AXIN1: variants seen among roughly 807,000 people sequenced by gnomAD.
AXIN1 encodes the protein axin 1, also known as axin-1.
In AXIN1, 30 loss-of-function variants were observed where a neutral mutation model predicts 76.4. The observed-to-expected ratio is 0.39, with a 90% CI of 0.29 to 0.53. The LOEUF (loss-of-function observed/expected upper bound fraction) is 0.53, where lower values mean the gene tolerates loss of function less well. AXIN1 is among the 20% of genes least tolerant of loss of function. The pLI, the probability that AXIN1 is intolerant of heterozygous loss-of-function variation, is 0.66. For synonymous variants in AXIN1, 545 were observed against 501.4 expected, an observed-to-expected ratio of 1.09 and a Z score of -1.16; for missense variants, 1,140 against 1,198.8, an observed-to-expected ratio of 0.95 and a Z score of 0.72.
intron 5 of AXIN1, among the ~76,000 whole-genome samples, chr16:301,968 G>A (rs916597524): frequency 5.3e-5 from 8 of 152,310 alleles, no homozygotes; most frequent in East Asian, 1.9e-4. Flanking sequence ...TGTGGCCTGC[G>A]GACATGTCCA....
chr16:307,095 C>T (rs775678804), intron 4 of AXIN1, among the ~76,000 whole-genome samples: 1 of 152,218 alleles, frequency 6.6e-6, no homozygotes, highest in Non-Finnish European at 1.5e-5. Flanking sequence ...GCAGGGACCA[C>T]GGCTGCTGTG....
chr16:297,014 C>T (rs764870322), intron 7 of AXIN1, 42 bp downstream of exon 7: 2 of 1,603,080 alleles, frequency 1.2e-6, no homozygotes, highest in South Asian at 2.2e-5. Context: ...CCAGGGGTGG[C>T]AAAGCAGGCC....
intron 5 of AXIN1, among the ~76,000 whole-genome samples, chr16:298,500 A>G (rs371015565): frequency 6.6e-6 from 1 of 152,098 alleles, no homozygotes; most frequent in East Asian, 1.9e-4. Context: ...CTCTGCACAG[A>G]TTTAGTTTAG....
chr16:326,839 C>T (rs1316058949), intron 2 of AXIN1, among the ~76,000 whole-genome samples: 1 of 151,850 alleles, frequency 6.6e-6, no homozygotes, highest in Non-Finnish European at 1.5e-5. Flanking sequence ...CCTGAAGCGT[C>T]AGCCAAGATT....
rs2141700661 is a variant in AXIN1, at chr16:346,216, C to T, written c.810G>A (p.Lys270=). Residue 270 remains lysine, a synonymous_variant, in exon 2 of 11, where the codon AAG becomes AAA. Transcript: ENST00000262320. ...TCGGGGCAGCTGTCTCCAGGAGCAG[C>T]TTCTGAGGGAGTCTTCCGGGGGGAG... ...DAAPPGRLPQ[K]LLLETAAPRV... is the part of the protein sequence containing the mutation. The T allele has an allele frequency of 1.2e-6, 2 of 1,614,130 alleles. No homozygotes were observed. Among genetic ancestry groups the T allele is most frequent in the Non-Finnish European group, 1.7e-6 (2 of 1,180,048 alleles).
Position 287,615 on chromosome 16 carries a change from CGGCTGGAGGCA to C in AXIN1, c.*496_*506del, listed in dbSNP as rs2052416564. The C allele has an allele frequency of 3.2e-6, 1 of 312,048 alleles. No individual in the cohort carries two copies. Among genetic ancestry groups the C allele is most frequent in the Non-Finnish European group, 6.0e-6 (1 of 166,492 alleles). The allele number at this position is 312,048 out of a possible 1,614,324, so 19.3% of individuals were successfully genotyped here. On this transcript the variant is annotated 3_prime_UTR_variant, in exon 11 of 11. Transcript: ENST00000262320. ...GGAGGACCCAGGACTGCACAGCCGG[CGGCTGGAGGCA>C]GGTGCAGTGCTCCGTCGCCGATTCA...
At chr16:312,589 G>C (rs200046188) in intron 3 of AXIN1, among the ~76,000 whole-genome samples, 1 of 152,186 alleles carries the variant, frequency 6.6e-6, no homozygotes, top group Non-Finnish European at 1.5e-5. Context: ...TCAGGACCAC[G>C]GCAGGCACTG....
At position 309,783 on chromosome 16, in the gene AXIN1, C is replaced by T. The variant is rs568172593; in HGVS notation, c.1116+190G>A. Reference sequence around the variant, plus strand: ...GCTCCCTCTGGGCCCTAAATGCTGCCTGAGACTTGATGTCCCCTGCTGCCC... The same window carrying T: ...GCTCCCTCTGGGCCCTAAATGCTGCTTGAGACTTGATGTCCCCTGCTGCCC... On this transcript the variant is annotated intron_variant, in intron 4 of 10. Transcript: ENST00000262320. Among the ~76,000 whole-genome samples the T allele has an allele frequency of 3.3e-4, 50 of 152,358 alleles. 1 individual carries two copies. The South Asian group carries it at 5.4e-3, about 16-fold the overall frequency.
intron 3 of AXIN1, among the ~76,000 whole-genome samples, chr16:312,450 G>C (rs927665545): frequency 6.6e-6 from 1 of 152,154 alleles, no homozygotes; most frequent in Non-Finnish European, 1.5e-5. Flanking sequence ...GAGACTTTTT[G>C]AGAAAACTGA....
chr16:349,473 T>G (rs1160450420), intron 1 of AXIN1, among the ~76,000 whole-genome samples: 1 of 152,210 alleles, frequency 6.6e-6, no homozygotes, highest in Admixed American at 6.5e-5. Context: ...CCACTATAGA[T>G]GTACTACCAT....
At chr16:295,045 C>G (rs1182351090) in intron 7 of AXIN1, among the ~76,000 whole-genome samples, 1 of 127,514 alleles carries the variant, frequency 7.8e-6, no homozygotes, top group Non-Finnish European at 1.6e-5. Context: ...GCCTGGGCAA[C>G]AGAGCAAGAC....
At chr16:342,270 C>T (rs557162423) in intron 2 of AXIN1, among the ~76,000 whole-genome samples, 2 of 152,258 alleles carry the variant, frequency 1.3e-5, no homozygotes, top group Admixed American at 6.5e-5. Context: ...CGAACACCTC[C>T]GAACGTCAGA....
At chr16:316,593 G>A (rs1356260758) in intron 2 of AXIN1, among the ~76,000 whole-genome samples, 2 of 152,214 alleles carry the variant, frequency 1.3e-5, no homozygotes, top group Admixed American at 6.5e-5. Flanking sequence ...AACTAGGTGC[G>A]CACAGAGCGG....
At chr16:291,477 G>T in intron 8 of AXIN1, 180 bp from the exon 9 acceptor site, 1 of 648,572 alleles carries the variant, frequency 1.5e-6, no homozygotes, top group South Asian at 1.7e-5. Context: ...GGCCTGCCTT[G>T]GTGGTACCCG....
chr16:311,940 G>T (rs532104089), intron 3 of AXIN1, among the ~76,000 whole-genome samples: 77 of 152,264 alleles, frequency 5.1e-4, no homozygotes, highest in African/African-American at 1.7e-3. Flanking sequence ...AGGCATCCTC[G>T]GCTGTCACAG....
At chr16:298,436 G>A (rs1280680475) in intron 5 of AXIN1, among the ~76,000 whole-genome samples, 185 bp from the exon 6 acceptor site, 5 of 152,264 alleles carry the variant, frequency 3.3e-5, no homozygotes, top group Non-Finnish European at 5.9e-5. Flanking sequence ...GACAGAAGGA[G>A]CGGAGACAGC....
In AXIN1 at chr16:293,290, C is replaced by T. The variant is rs2052619208; in HGVS notation, c.2186+198G>A. ...GCCTCGGGTGTGTGAAAGCTCCAGC[C>T]CCAGCCTCCGTCCACCGCAGGGTGG... On this transcript the variant is annotated intron_variant, in intron 8 of 10. Coordinates refer to ENST00000262320, the MANE Select transcript of AXIN1 (RefSeq NM_003502.4). This position sits in a 1 kb window ranked among gnomAD's most constrained non-coding sequence, Gnocchi z 4.6. The T allele has an allele frequency of 5.1e-5, 32 of 625,520 alleles. No homozygotes were observed. The South Asian group carries it at 6.2e-4, about 12-fold the overall frequency. The allele number at this position is 625,520 out of a possible 1,614,324, so 38.7% of individuals were successfully genotyped here.
intron 3 of AXIN1, among the ~76,000 whole-genome samples, chr16:313,018 A>AATC (rs1429025305): frequency 6.6e-6 from 1 of 151,738 alleles, no homozygotes; most frequent in African/African-American, 2.4e-5. Context: ...CCACAAAAAT[A>AATC]ATCATCATCA....
At chr16:347,353 A>T (rs531173847) in intron 1 of AXIN1, among the ~76,000 whole-genome samples, 49 of 152,364 alleles carry the variant, frequency 3.2e-4, no homozygotes, top group South Asian at 2.3e-3. Flanking sequence ...GGACATGGGA[A>T]TGCCACTCCC....
Sources: allele counts gnomAD v4.1 joint callset (sites outside exome capture counted in the v4.1 genomes callset), GRCh38; gene constraint gnomAD v4.1.1; non-coding constraint Gnocchi (gnomAD v3.1); transcripts MANE v1.5; gene names NCBI Gene and HGNC (gene_info 2026-07-23, HGNC 2026-07-21).